TCEA1: variants seen among roughly 807,000 people sequenced by gnomAD.
TCEA1 encodes transcription elongation factor A1, also known as transcription elongation factor A protein 1.
A neutral mutation model predicts 43.8 loss-of-function variants in TCEA1; 21 were observed. The ratio of observed to expected loss-of-function variants is 0.48; its 90% CI spans 0.34 to 0.69. The LOEUF (loss-of-function observed/expected upper bound fraction) is 0.69, where lower values mean the gene tolerates loss of function less well. Among genes scored for constraint, TCEA1 ranks in the 30% least tolerant of loss-of-function variants. TCEA1 has a pLI of 0.01. For synonymous variants in TCEA1, 104 were observed against 117.5 expected (o/e 0.88, Z 0.75); for missense variants, 250 against 365.1 (o/e 0.68, Z 2.57).
intron 1 of TCEA1, among the ~76,000 whole-genome samples, chr8:54,019,506 G>C (rs1295922565): frequency 3.3e-5 from 5 of 150,506 alleles, no homozygotes; most frequent in Non-Finnish European, 7.4e-5. Context: ...GGAGGCGGAG[G>C]TTGCAGTGAG....
At chr8:54,018,598 T>A (rs1471853255) in intron 1 of TCEA1, among the ~76,000 whole-genome samples, 1 of 152,238 alleles carries the variant, frequency 6.6e-6, no homozygotes, top group African/African-American at 2.4e-5. Flanking sequence ...GCAGTCAGAC[T>A]TGGTTACTGA....
At chr8:54,010,385 T>C in intron 2 of TCEA1, 45 bp downstream of exon 2, 2 of 1,449,952 alleles carry the variant, frequency 1.4e-6, no homozygotes, top group Non-Finnish European at 1.9e-6. Context: ...TGGTATTTTA[T>C]GACGACTACC....
intron 2 of TCEA1, among the ~76,000 whole-genome samples, chr8:54,008,001 G>T (rs749452169): frequency 6.6e-6 from 1 of 151,968 alleles, no homozygotes; most frequent in Non-Finnish European, 1.5e-5. Flanking sequence ...GGCCAACATG[G>T]TGAAACCCCG....
At chr8:54,004,113 A>G (rs1804363848) in intron 2 of TCEA1, among the ~76,000 whole-genome samples, 1 of 152,244 alleles carries the variant, frequency 6.6e-6, no homozygotes, top group African/African-American at 2.4e-5. Flanking sequence ...TACAATAGCT[A>G]TAATCAAAAA....
chr8:53,980,060 G>A (rs567773071), intron 7 of TCEA1, among the ~76,000 whole-genome samples: 30 of 152,278 alleles, frequency 2.0e-4, no homozygotes, highest in Non-Finnish European at 2.8e-4. Flanking sequence ...TTTCTTAACC[G>A]CAATAGCGCA....
At chr8:53,985,632 G>C (rs931440461) in intron 6 of TCEA1, among the ~76,000 whole-genome samples, 1 of 152,080 alleles carries the variant, frequency 6.6e-6, no homozygotes, top group Non-Finnish European at 1.5e-5. Flanking sequence ...CTGAACCCTG[G>C]AACAGCTCCC....
At chr8:54,015,190 G>GAGAC (rs1170176824) in intron 1 of TCEA1, among the ~76,000 whole-genome samples, 1 of 133,140 alleles carries the variant, frequency 7.5e-6, no homozygotes, top group Non-Finnish European at 1.6e-5. Context: ...TTTTTTTTTT[G>GAGAC]AGACAGTCTC....
intron 5 of TCEA1, among the ~76,000 whole-genome samples, 194 bp downstream of exon 5, chr8:53,987,920 T>A (rs1285481639): frequency 6.6e-6 from 1 of 152,162 alleles, no homozygotes; most frequent in Admixed American, 6.5e-5. Flanking sequence ...TACATAGTAA[T>A]AAGCAAATGC....
intron 1 of TCEA1, among the ~76,000 whole-genome samples, chr8:54,015,195 A>T (rs1194427895): frequency 6.6e-6 from 1 of 150,810 alleles, no homozygotes; most frequent in African/African-American, 2.5e-5. Context: ...TTTTTGAGAC[A>T]GTCTCACTGT....
chr8:53,996,586 G>T (rs1022925674), intron 3 of TCEA1, among the ~76,000 whole-genome samples: 1 of 152,124 alleles, frequency 6.6e-6, no homozygotes, highest in Non-Finnish European at 1.5e-5. Flanking sequence ...TATCCATCAA[G>T]ACATTAGTTA....
chr8:53,988,327 C>T, intron 4 of TCEA1, 68 bp from the exon 5 acceptor site: 1 of 1,530,740 alleles, frequency 6.5e-7, no homozygotes, highest in Non-Finnish European at 8.8e-7. Context: ...ATACTACTAT[C>T]ATGCTGTAAA....
chr8:54,000,385 A>G (rs1460209152), intron 2 of TCEA1, among the ~76,000 whole-genome samples: 1 of 152,204 alleles, frequency 6.6e-6, no homozygotes, highest in African/African-American at 2.4e-5. Flanking sequence ...AGTCAGGCTG[A>G]AGCAATCATG....
intron 7 of TCEA1, 148 bp downstream of exon 7, chr8:53,984,215 T>G: frequency 1.5e-6 from 1 of 669,356 alleles, no homozygotes; most frequent in Non-Finnish European, 2.3e-6. Flanking sequence ...CACAATCACC[T>G]TAAGTATTTG....
At chr8:53,995,421 T>C (rs940991521) in intron 3 of TCEA1, among the ~76,000 whole-genome samples, 2 of 151,980 alleles carry the variant, frequency 1.3e-5, no homozygotes, top group Non-Finnish European at 2.9e-5. Flanking sequence ...ACTGCACCAC[T>C]GCACTCCAGC....
intron 6 of TCEA1, among the ~76,000 whole-genome samples, chr8:53,986,166 T>C (rs749231547): frequency 5.3e-5 from 8 of 152,230 alleles, no homozygotes; most frequent in East Asian, 3.8e-4. Flanking sequence ...GCAGAAGTAA[T>C]AGATGTCACT....
At chr8:54,004,600 T>C (rs1451541443) in intron 2 of TCEA1, among the ~76,000 whole-genome samples, 1 of 152,090 alleles carries the variant, frequency 6.6e-6, no homozygotes, top group Admixed American at 6.6e-5. Flanking sequence ...GAAAGATTAG[T>C]GGTTGCCTAG....
intron 2 of TCEA1, among the ~76,000 whole-genome samples, chr8:54,003,367 C>T (rs1273006799): frequency 6.6e-6 from 1 of 152,178 alleles, no homozygotes; most frequent in East Asian, 1.9e-4. Flanking sequence ...GACAAGCGTA[C>T]CCTAAAGTCC....
At chr8:53,972,237 T>A (rs1803179323) in intron 8 of TCEA1, 1 of 352,572 alleles carries the variant, frequency 2.8e-6, no homozygotes, top group African/African-American at 2.2e-5. Flanking sequence ...TGATGAGGAA[T>A]CTAAAAATGA....
At chr8:53,993,493 T>C in intron 4 of TCEA1, 175 bp downstream of exon 4, 1 of 496,404 alleles carries the variant, frequency 2.0e-6, no homozygotes, top group Non-Finnish European at 3.5e-6. Flanking sequence ...CTCTCAAATG[T>C]TCAAGAAATC....
Sources: gnomAD v4.1 joint callset for allele counts (sites outside exome capture counted in the v4.1 genomes callset) on GRCh38, gnomAD v4.1.1 for gene constraint, MANE v1.5 for transcripts, NCBI Gene and HGNC (gene_info 2026-07-23, HGNC 2026-07-21) for gene names.